Variants in TRAPPC12 observed in about 807,000 individuals in gnomAD.
TRAPPC12 encodes the protein TPR repeat protein 15.
TRAPPC12 carries 61 observed loss-of-function variants against 69.2 expected under a neutral mutation model. The observed-to-expected ratio is 0.88, with a 90% CI of 0.72 to 1.09. The LOEUF is 1.09. Among genes scored for constraint, TRAPPC12 ranks in the 50% least tolerant of loss-of-function variants. The probability of loss-of-function intolerance (pLI) is 0.00; values close to 1 mark genes in which losing one functional copy is unlikely to be tolerated. For synonymous variants in TRAPPC12, 469 were observed against 438.9 expected (o/e 1.07, Z -0.86); for missense variants, 1,101 against 1,016.4 (o/e 1.08, Z -1.13).
At chr2:3,477,639 A>T in intron 9 of TRAPPC12, 56 bp from the exon 10 acceptor site, 2 of 1,030,778 alleles carry the variant, frequency 1.9e-6, no homozygotes, top group South Asian at 1.5e-5. Context: ...TAAATATATG[A>T]GTATAGACTT....
intron 10 of TRAPPC12, among the ~76,000 whole-genome samples, chr2:3,478,557 C>A (rs1666397648): frequency 6.6e-6 from 1 of 152,226 alleles, no homozygotes. Flanking sequence ...TTGCTTGAAT[C>A]CAGGAGGCGG....
chr2:3,420,659 C>T (rs993417989), intron 3 of TRAPPC12, among the ~76,000 whole-genome samples: 3 of 152,252 alleles, frequency 2.0e-5, no homozygotes, highest in Non-Finnish European at 1.5e-5. Context: ...TGGAGCAGGT[C>T]GTTAGCTCCT....
intron 5 of TRAPPC12, among the ~76,000 whole-genome samples, chr2:3,430,447 T>A (rs1038665708): frequency 2.0e-5 from 3 of 152,240 alleles, no homozygotes; most frequent in African/African-American, 7.2e-5. Context: ...TGCCGAATTA[T>A]GTGTCCTTTG....
chr2:3,478,747 C>A, intron 10 of TRAPPC12, 99 bp from the exon 11 acceptor site: 1 of 1,035,070 alleles, frequency 9.7e-7, no homozygotes, highest in Non-Finnish European at 1.5e-6. Flanking sequence ...CAGGGCCATA[C>A]GCTGGGTCTC....
chr2:3,399,898 A>T (rs1200281439), intron 2 of TRAPPC12, among the ~76,000 whole-genome samples: 1 of 148,438 alleles, frequency 6.7e-6, no homozygotes, highest in Non-Finnish European at 1.5e-5. Context: ...GGCAGGGGGC[A>T]CGCAGGCTTC....
intron 8 of TRAPPC12, among the ~76,000 whole-genome samples, chr2:3,464,333 T>C (rs1024051681): frequency 6.6e-6 from 1 of 152,180 alleles, no homozygotes; most frequent in African/African-American, 2.4e-5. Context: ...TAATGAGCTG[T>C]ACTCGAAGGT....
intron 6 of TRAPPC12, chr2:3,456,998 T>TC (rs1387667794): frequency 4.6e-6 from 2 of 436,488 alleles, no homozygotes; most frequent in Non-Finnish European, 9.1e-6. Flanking sequence ...GGGAGCAGAG[T>TC]CCCTCCCCAT....
chr2:3,433,855 T>G (rs867289638), intron 5 of TRAPPC12, among the ~76,000 whole-genome samples: 18 of 152,368 alleles, frequency 1.2e-4, no homozygotes, highest in Middle Eastern at 6.8e-3. Context: ...TAGGAATTGT[T>G]TTTCCTTACA....
At position 3,477,795 on chromosome 2, in the gene TRAPPC12, G is replaced by C; in HGVS notation, c.1877G>C (p.Ser626Thr). The C allele has an allele frequency of 6.4e-7, 1 of 1,570,042 alleles. No individual in the cohort carries two copies. The highest frequency in any genetic ancestry group is 8.7e-7 in the Non-Finnish European group (1 of 1,154,760). The change falls in exon 10 of 12, where the codon AGC (serine) becomes ACC (threonine). Residue 626 changes from serine (S) to threonine (T), a missense_variant and splice_region_variant. By Grantham distance (58) the Ser-to-Thr change is moderately conservative. Coordinates refer to ENST00000324266, the MANE Select transcript of TRAPPC12 (RefSeq NM_016030.6). Reference sequence around the variant, plus strand: ...GGTAAAATCATGGTTTTGATGAACAGGTAAATATTTTAAAACTAAATATAT... The same window carrying C: ...GGTAAAATCATGGTTTTGATGAACACGTAAATATTTTAAAACTAAATATAT... ...LQGKIMVLMN[S>T]AFLHLGQNNF...
intron 9 of TRAPPC12, among the ~76,000 whole-genome samples, chr2:3,476,630 A>G (rs1188613705): frequency 6.6e-6 from 1 of 152,228 alleles, no homozygotes; most frequent in African/African-American, 2.4e-5. Flanking sequence ...ATGCAGAAAC[A>G]TGACACCCAT....
chr2:3,440,351 CTG>C (rs544606519), intron 5 of TRAPPC12, among the ~76,000 whole-genome samples: 54 of 152,212 alleles, frequency 3.5e-4, no homozygotes, highest in Middle Eastern at 3.4e-3. Context: ...TTCTTCAGCT[CTG>C]TGAATTTTTT....
At position 3,479,440 on chromosome 2, in the gene TRAPPC12, A is replaced by G. The variant is rs1201739597; in HGVS notation, c.2187A>G (p.Thr729=). 4.3e-6 allele frequency: 7 copies of G among 1,613,924 alleles called. No homozygotes were observed. The highest frequency in any genetic ancestry group is 1.1e-5 in the South Asian group (1 of 91,082). ...VAGKEGDSFN[T]QCLKLA is the part of the protein sequence containing the mutation. ...GCAAGGAGGGGGACAGCTTCAACACACAGTGCCTCAAGCTGGCCTAGCTGC... is the reference window on the plus strand; with the variant it reads ...GCAAGGAGGGGGACAGCTTCAACACGCAGTGCCTCAAGCTGGCCTAGCTGC... The change falls in exon 12 of 12, where the codon ACA becomes ACG. Residue 729 remains threonine, a synonymous_variant. Transcript: ENST00000324266.
chr2:3,433,826 T>C (rs988938899), intron 5 of TRAPPC12, among the ~76,000 whole-genome samples: 4 of 152,224 alleles, frequency 2.6e-5, no homozygotes, highest in Admixed American at 6.5e-5. Context: ...ATGGGAATCT[T>C]CCGGAAAAAT....
intron 3 of TRAPPC12, among the ~76,000 whole-genome samples, chr2:3,416,469 C>A (rs1188897722): frequency 1.3e-5 from 2 of 150,654 alleles, no homozygotes; most frequent in Non-Finnish European, 3.0e-5. Flanking sequence ...CCTAGGCACA[C>A]CCCTACCCCT....
intron 8 of TRAPPC12, among the ~76,000 whole-genome samples, chr2:3,464,997 C>T (rs975178901): frequency 5.3e-5 from 8 of 152,228 alleles, no homozygotes; most frequent in African/African-American, 1.7e-4. Flanking sequence ...CTACATGTTC[C>T]CCCGTAGCTG....
intron 6 of TRAPPC12, among the ~76,000 whole-genome samples, chr2:3,448,432 C>T (rs1002860352): frequency 1.3e-5 from 2 of 152,214 alleles, no homozygotes; most frequent in Non-Finnish European, 2.9e-5. Flanking sequence ...ACTGCACTTG[C>T]TCCTGCCAAA....
rs184707520 is a variant in TRAPPC12 at position 3,432,159 on chromosome 2, T to C, written c.1417+7496T>C. Among the ~76,000 whole-genome samples, 5 of 152,364 alleles carry C rather than the reference T, an allele frequency of 3.3e-5. No homozygotes were observed. The East Asian group carries it at 9.6e-4, about 29-fold the overall frequency. ...TCTTCACTATGCAGTTTAAGAAGTATAGTGCTGCTTCTAATACTAAATTCA... is the reference window on the plus strand; with the variant it reads ...TCTTCACTATGCAGTTTAAGAAGTACAGTGCTGCTTCTAATACTAAATTCA... On this transcript the variant is annotated intron_variant, in intron 5 of 11. Transcript: ENST00000324266.
chr2:3,427,137 A>G (rs922147130), intron 5 of TRAPPC12, among the ~76,000 whole-genome samples: 13 of 152,158 alleles, frequency 8.5e-5, no homozygotes, highest in African/African-American at 2.7e-4. Flanking sequence ...TAGTCAAGAA[A>G]CAGCTGTTTT....
intron 4 of TRAPPC12, 24 bp from the exon 5 acceptor site, chr2:3,424,501 G>C: frequency 6.2e-7 from 1 of 1,610,622 alleles, no homozygotes; most frequent in Non-Finnish European, 8.5e-7. Context: ...ATAACCTATT[G>C]TTTCCATTGT....
Sources: gnomAD v4.1 joint callset for allele counts (sites outside exome capture counted in the v4.1 genomes callset) on GRCh38, gnomAD v4.1.1 for gene constraint, MANE v1.5 for transcripts, NCBI Gene and HGNC (gene_info 2026-07-23, HGNC 2026-07-21) for gene names.